MYH10: variants seen among roughly 807,000 people sequenced by gnomAD.
MYH10 encodes the protein myosin-10.
In MYH10, 55 loss-of-function variants were observed where a neutral mutation model predicts 257.8. That is an observed-to-expected ratio of 0.21 (90% CI 0.17 to 0.27). MYH10 has a LOEUF of 0.27. Among genes scored for constraint, MYH10 ranks in the 10% least tolerant of loss-of-function variants. The pLI is 1.00. For synonymous variants in MYH10, 854 were observed against 921.7 expected (o/e 0.93, Z 1.33); for missense variants, 1,631 against 2,500.6 (o/e 0.65, Z 7.42).
intron 1 of MYH10, among the ~76,000 whole-genome samples, chr17:8,629,864 G>A (rs1440803118): frequency 1.3e-5 from 2 of 151,746 alleles, no homozygotes; most frequent in Admixed American, 6.5e-5. Context: ...GGGCGCGGCA[G>A]GACGCCCTCC....
intron 14 of MYH10, among the ~76,000 whole-genome samples, chr17:8,537,435 G>C (rs2082173367): frequency 6.6e-6 from 1 of 152,170 alleles, no homozygotes; most frequent in African/African-American, 2.4e-5. Context: ...CCAGCGGGTG[G>C]AAGCTGAGGG....
intron 23 of MYH10, among the ~76,000 whole-genome samples, chr17:8,512,991 T>C (rs1405412117): frequency 1.3e-5 from 2 of 152,196 alleles, no homozygotes; most frequent in Non-Finnish European, 2.9e-5. Flanking sequence ...AATGCCTGTT[T>C]GGTAGTAAGT....
chr17:8,479,365 GAAA>G (rs1356603772), intron 40 of MYH10, among the ~76,000 whole-genome samples: 1 of 152,204 alleles, frequency 6.6e-6, no homozygotes, highest in African/African-American at 2.4e-5. Context: ...ATGGAAGACA[GAAA>G]AAGTTATTTT....
intron 5 of MYH10, 85 bp from the exon 6 acceptor site, chr17:8,576,757 A>G (rs1785259076): frequency 1.5e-6 from 2 of 1,341,606 alleles, no homozygotes; most frequent in Non-Finnish European, 2.1e-6. Flanking sequence ...CACCAAGCCA[A>G]TGTGCAGTTG....
intron 3 of MYH10, among the ~76,000 whole-genome samples, chr17:8,595,425 C>CTTTT (rs10664342): frequency 0.018 from 1,536 of 83,982 alleles, 104 homozygotes; most frequent in African/African-American, 0.029. Flanking sequence ...AAGAACAGTT[C>CTTTT]TTTTTTTTTT....
At chr17:8,557,278 T>A (rs954340756) in intron 7 of MYH10, among the ~76,000 whole-genome samples, 37 of 152,132 alleles carry the variant, frequency 2.4e-4, no homozygotes, top group African/African-American at 8.9e-4. Flanking sequence ...TTATGAGCAT[T>A]CATTAAGAAC....
At position 8,627,309 on chromosome 17, in the gene MYH10, G is replaced by A. The variant is rs149585272; in HGVS notation, c.-32+3345C>T. ...GTCCCTGGTATATAACAGGGGATCT[G>A]TACCTATTGATCAATATTTACGTGA... On this transcript the variant is annotated intron_variant, in intron 1 of 42. Transcript: ENST00000360416. Among the ~76,000 whole-genome samples, 315 of 152,270 alleles carry A rather than the reference G, an allele frequency of 2.1e-3. 2 individuals carry two copies. Among genetic ancestry groups the A allele is most frequent in the African/African-American group, 7.4e-3 (308 of 41,546 alleles).
At position 8,490,300 on chromosome 17, in the gene MYH10, C is replaced by A; in HGVS notation, c.4884+40G>T. 6.3e-7 allele frequency: 1 copy of A among 1,590,372 alleles called. No homozygotes were observed. The highest frequency in any genetic ancestry group is 8.6e-7 in the Non-Finnish European group (1 of 1,162,546). On this transcript the variant is annotated intron_variant, in intron 35 of 42. Coordinates refer to ENST00000360416, the MANE Select transcript of MYH10 (RefSeq NM_001256012.3). The surrounding 1 kb of genome is among the most constrained non-coding windows in gnomAD (Gnocchi z 4.1). Reference sequence around the variant, plus strand: ...CTGACCCAGAGCTGGGCTTTGAGAGCCTGCACCCCTTGTTGTGGAGGCCGC... The same window carrying A: ...CTGACCCAGAGCTGGGCTTTGAGAGACTGCACCCCTTGTTGTGGAGGCCGC...
Position 8,506,227 on chromosome 17 carries a change from C to T in MYH10, c.3386+91G>A. On this transcript the variant is annotated intron_variant, in intron 27 of 42. Coordinates refer to ENST00000360416, the MANE Select transcript of MYH10 (RefSeq NM_001256012.3). This position sits in a 1 kb window ranked among gnomAD's most constrained non-coding sequence, Gnocchi z 5.0. ...CAGCAAGCAAACCCCATCTCACTCT[C>T]CCAGGGTTTTTGAATGCTCCCGAAC... is the stretch of plus-strand genomic sequence containing the variant. 1 of 1,345,896 alleles carries T rather than the reference C, an allele frequency of 7.4e-7. No individual in the cohort carries two copies. The highest frequency in any genetic ancestry group is 9.9e-7 in the Non-Finnish European group (1 of 1,012,212). 83.4% of individuals were successfully genotyped at this position (1,345,896 alleles called of 1,614,324 possible). A position where few individuals can be genotyped will look rare whatever the true frequency, so the allele number is the denominator to read the frequency against.
intron 16 of MYH10, among the ~76,000 whole-genome samples, chr17:8,531,068 T>G (rs959910931): frequency 2.6e-5 from 4 of 152,176 alleles, no homozygotes; most frequent in African/African-American, 9.7e-5. Context: ...CACAGCACTA[T>G]GGCGAATGTA....
chr17:8,564,198 T>G (rs1204584631), intron 7 of MYH10, among the ~76,000 whole-genome samples: 1 of 152,234 alleles, frequency 6.6e-6, no homozygotes, highest in Non-Finnish European at 1.5e-5. Flanking sequence ...ATAAACCATA[T>G]GCTAGTATCT....
At chr17:8,560,013 A>G (rs2082933586) in intron 7 of MYH10, among the ~76,000 whole-genome samples, 1 of 152,226 alleles carries the variant, frequency 6.6e-6, no homozygotes, top group Admixed American at 6.5e-5. Flanking sequence ...TTCTGCGGAA[A>G]GGTTCATCAA....
intron 28 of MYH10, among the ~76,000 whole-genome samples, chr17:8,503,270 C>T (rs944298141): frequency 5.3e-5 from 8 of 150,376 alleles, no homozygotes; most frequent in Non-Finnish European, 1.0e-4. Flanking sequence ...GCAACAAGAG[C>T]GAAACTCCGT....
chr17:8,599,506 C>T (rs1351186081), intron 3 of MYH10, among the ~76,000 whole-genome samples: 1 of 152,130 alleles, frequency 6.6e-6, no homozygotes, highest in Non-Finnish European at 1.5e-5. Flanking sequence ...TAGATGACTA[C>T]ATCACACTAT....
chr17:8,603,485 C>T (rs776225037), intron 3 of MYH10, among the ~76,000 whole-genome samples: 6 of 152,138 alleles, frequency 3.9e-5, no homozygotes, highest in Non-Finnish European at 5.9e-5. Context: ...CTATAGAATA[C>T]ATCAAAGACC....
chr17:8,536,831 A>G (rs1293653993), intron 14 of MYH10, among the ~76,000 whole-genome samples: 1 of 151,308 alleles, frequency 6.6e-6, no homozygotes, highest in African/African-American at 2.4e-5. Flanking sequence ...ATGAATCCAT[A>G]GAGACAGAGG....
intron 28 of MYH10, among the ~76,000 whole-genome samples, chr17:8,501,746 C>A (rs192919491): frequency 2.0e-5 from 3 of 152,262 alleles, no homozygotes; most frequent in African/African-American, 7.2e-5. Flanking sequence ...AGGTCTATGG[C>A]CAGAGAATTG....
At position 8,509,882 on chromosome 17, in the gene MYH10, G is replaced by T. The variant is rs771949507; in HGVS notation, c.3020C>A (p.Ala1007Glu). The part of the protein sequence containing the change: ...RQKLQLEKVT[A>E]EAKIKKMEEE... Reference sequence around the variant, plus strand: ...TTCCATCTTCTTGATCTTGGCCTCTGCTGTCACCTTTTCCAGCTGCAGCTT... The same window carrying T: ...TTCCATCTTCTTGATCTTGGCCTCTTCTGTCACCTTTTCCAGCTGCAGCTT... Residue 1007 changes from alanine to glutamate, a missense_variant, in exon 25 of 43, where the codon GCA becomes GAA. Physicochemically the swap from Ala to Glu is moderately radical, Grantham distance 107. Transcript: ENST00000360416. The T allele has an allele frequency of 6.2e-7, 1 of 1,613,416 alleles. No individual in the cohort carries two copies. The highest frequency in any genetic ancestry group is 1.1e-5 in the South Asian group (1 of 91,020).
chr17:8,490,344 T>C lies in MYH10; in HGVS notation c.4880A>G (p.Lys1627Arg), dbSNP rs1219219605. 4 of 1,613,436 alleles carry C rather than the reference T, an allele frequency of 2.5e-6. No individual in the cohort carries two copies. The highest frequency in any genetic ancestry group is 1.1e-5 in the South Asian group (1 of 91,092). Residue 1627 changes from lysine to arginine, a missense_variant, in exon 35 of 43, where the codon AAA (lysine) becomes AGA (arginine). Lys to Arg is a conservative substitution (Grantham distance 26). Transcript: ENST00000360416. This position sits in a 1 kb window ranked among gnomAD's most constrained non-coding sequence, Gnocchi z 4.1. Reference sequence around the variant, plus strand: ...AGGCCGCACCCTCTGCCCTACCTGTTTGATCAGCAGCCGCTTCTTCTCTTC... The same window carrying C: ...AGGCCGCACCCTCTGCCCTACCTGTCTGATCAGCAGCCGCTTCTTCTCTTC... ...QNEEKKRLLI[K>R]QVRELEAELE...
Sources: gnomAD v4.1 joint callset for allele counts (sites outside exome capture counted in the v4.1 genomes callset) on GRCh38, gnomAD v4.1.1 for gene constraint, Gnocchi (gnomAD v3.1) non-coding constraint, MANE v1.5 for transcripts, NCBI Gene and HGNC (gene_info 2026-07-23, HGNC 2026-07-21) for gene names.